The following RNPS1 variants were observed in gnomAD, a reference collection of about 807,000 sequenced individuals.
RNPS1 encodes RNA binding protein with serine rich domain 1, also known as RNA-binding protein with serine-rich domain 1.
For synonymous variants in RNPS1, 147 were observed against 150.0 expected, an observed-to-expected ratio of 0.98 and a Z score of 0.15; for missense variants, 300 against 427.6, an observed-to-expected ratio of 0.70 and a Z score of 2.63.
Position 2,253,758 on chromosome 16 carries a change from G to A in RNPS1, c.*206C>T, listed in dbSNP as rs551158670. ...GGATGAGCTTTCTAGCCAGAAAACC[G>A]GAGGGAATCTTGACAGGCACACAGC... On this transcript the variant is annotated 3_prime_UTR_variant, in exon 8 of 8. Coordinates refer to ENST00000320225, the MANE Select transcript of RNPS1 (RefSeq NM_080594.4). 8.1e-5 allele frequency: 55 copies of A among 677,628 alleles called. No individual in the cohort carries two copies. Among genetic ancestry groups the A allele is most frequent in the African/African-American group, 5.6e-4 (31 of 55,716 alleles). 42.0% of individuals were successfully genotyped at this position (677,628 alleles called of 1,614,324 possible).
At chr16:2,255,807 TG>T (rs2093575613) in intron 6 of RNPS1, 81 bp from the exon 7 acceptor site, 1 of 1,430,978 alleles carries the variant, frequency 7.0e-7, no homozygotes, top group Non-Finnish European at 9.7e-7. Context: ...AAGACAGGCC[TG>T]GGGGGACAAT....
Position 2,262,270 on chromosome 16 carries a change from T to C in RNPS1, c.676+8A>G, listed in dbSNP as rs202098575. ...GAGAGGTCAGGGTTATGTGGCAGGG[T>C]CACCCACCTCCATCCATGTGCTTCA... On this transcript the variant is annotated splice_region_variant and intron_variant, in intron 6 of 7. Transcript: ENST00000320225. The C allele has an allele frequency of 6.2e-7, 1 of 1,611,122 alleles. No homozygotes were observed. The highest frequency in any genetic ancestry group is 1.7e-5 in the Admixed American group (1 of 59,950).
At chr16:2,255,998 G>A (rs1015636310) in intron 6 of RNPS1, 27 of 409,286 alleles carry the variant, frequency 6.6e-5, no homozygotes, top group Non-Finnish European at 1.1e-4. Context: ...GGTGGCGGGC[G>A]CCTATAGTAC....
intron 7 of RNPS1, among the ~76,000 whole-genome samples, chr16:2,255,328 T>C (rs912645424): frequency 6.6e-6 from 1 of 152,174 alleles, no homozygotes; most frequent in Non-Finnish European, 1.5e-5. Flanking sequence ...ACAGGTCTAG[T>C]GGTCTCCTAG....
At chr16:2,260,858 T>A (rs2093600335) in intron 6 of RNPS1, among the ~76,000 whole-genome samples, 1 of 152,220 alleles carries the variant, frequency 6.6e-6, no homozygotes, top group Non-Finnish European at 1.5e-5. Flanking sequence ...TGGCTGGGCA[T>A]GGTGGCTCAT....
chr16:2,254,260 C>G (rs965799512), intron 7 of RNPS1, among the ~76,000 whole-genome samples, 197 bp from the exon 8 acceptor site: 2 of 152,238 alleles, frequency 1.3e-5, no homozygotes, highest in Admixed American at 6.5e-5. Context: ...CTCAGCCTCC[C>G]ATGCAACTGG....
At position 2,264,298 on chromosome 16, in the gene RNPS1, T is replaced by G; in HGVS notation, c.105A>C (p.Ser35=). 6.2e-7 allele frequency: 1 copy of G among 1,614,222 alleles called. No individual in the cohort carries two copies. The highest frequency in any genetic ancestry group is 8.5e-7 in the Non-Finnish European group (1 of 1,180,042). The change falls in exon 3 of 8, where the codon TCA becomes TCC. Residue 35 remains serine, a synonymous_variant. Coordinates refer to ENST00000320225, the MANE Select transcript of RNPS1 (RefSeq NM_080594.4). The part of the protein sequence containing the change: ...APSPTKRKDR[S]DEKSKDRSKD... ...TTGAGCGATCCTTGGACTTCTCATC[T>G]GAGCGGTCTTTGCGTTTGGTAGGTG...
chr16:2,267,735 G>A (rs1440629069), intron 1 of RNPS1: 9 of 1,283,846 alleles, frequency 7.0e-6, no homozygotes, highest in Non-Finnish European at 6.9e-6. Flanking sequence ...TGGGTCTCCG[G>A]CCCGGCGGGA....
Position 2,263,303 on chromosome 16 carries a change from G to C in RNPS1, c.228-16C>G. 1 of 1,613,590 alleles carries C rather than the reference G, an allele frequency of 6.2e-7. No homozygotes were observed. The highest frequency in any genetic ancestry group is 8.5e-7 in the Non-Finnish European group (1 of 1,179,756). On this transcript the variant is annotated splice_polypyrimidine_tract_variant and intron_variant, in intron 3 of 7. Coordinates refer to ENST00000320225, the MANE Select transcript of RNPS1 (RefSeq NM_080594.4). ...GGACCGAGACCTGAGGGCAAGATGAGGGGTCACAACCACCACACACCAAGT... is the reference window on the plus strand; with the variant it reads ...GGACCGAGACCTGAGGGCAAGATGACGGGTCACAACCACCACACACCAAGT...
At chr16:2,267,168 T>C (rs2093628369) in intron 1 of RNPS1, 1 of 984,970 alleles carries the variant, frequency 1.0e-6, no homozygotes, top group African/African-American at 1.7e-5. Flanking sequence ...TGAGGTTCTC[T>C]GTTCACCCAA....
At chr16:2,267,472 C>T (rs762696844) in intron 1 of RNPS1, 159 of 980,050 alleles carry the variant, frequency 1.6e-4, no homozygotes, top group Non-Finnish European at 1.9e-4. Context: ...CCATAGTGGG[C>T]CGTATCCCCA....
At position 2,263,157 on chromosome 16, in the gene RNPS1, A is replaced by T; in HGVS notation, c.358T>A (p.Ser120Thr). 1 of 1,613,794 alleles carries T rather than the reference A, an allele frequency of 6.2e-7. No homozygotes were observed. Among genetic ancestry groups the T allele is most frequent in the Non-Finnish European group, 8.5e-7 (1 of 1,179,892 alleles). Residue 120 changes from serine to threonine, a missense_variant, in exon 4 of 8, where the codon TCT becomes ACT. Coordinates refer to ENST00000320225, the MANE Select transcript of RNPS1 (RefSeq NM_080594.4). ...STSRSSSSSSSSGSPSPSRRR... is the reference protein window; with the variant it reads ...STSRSSSSSSTSGSPSPSRRR... The stretch of plus-strand genomic sequence containing the variant: ...CGAGAAGGACTTGGAGAGCCAGAAG[A>T]GCTGCTAGAGCTGGAGCTGCGGGAG...
At chr16:2,263,397 T>A in intron 3 of RNPS1, 110 bp from the exon 4 acceptor site, 1 of 1,068,320 alleles carries the variant, frequency 9.4e-7, no homozygotes, top group Non-Finnish European at 1.4e-6. Context: ...TTCGGGTGCC[T>A]CCAGGCCTCA....
intron 6 of RNPS1, chr16:2,256,667 G>C (rs564049902): frequency 1.3e-5 from 2 of 152,418 alleles, no homozygotes; most frequent in Non-Finnish European, 2.9e-5. Context: ...AGAGAAGGTA[G>C]CATCGAGAGC....
At position 2,264,314 on chromosome 16, in the gene RNPS1, T is replaced by A; in HGVS notation, c.89A>T (p.Lys30Ile). ...CTTCTCATCTGAGCGGTCTTTGCGT[T>A]TGGTAGGTGAAGGAGCCCTGGATGG... ...KSSTRAPSPT[K>I]RKDRSDEKSK... Residue 30 changes from lysine to isoleucine, a missense_variant, in exon 3 of 8, where the codon AAA (lysine) becomes ATA (isoleucine). Coordinates refer to ENST00000320225, the MANE Select transcript of RNPS1 (RefSeq NM_080594.4). The A allele has an allele frequency of 6.2e-7, 1 of 1,614,190 alleles. No homozygotes were observed. The highest frequency in any genetic ancestry group is 1.3e-5 in the African/African-American group (1 of 75,036).
In RNPS1 at chr16:2,268,057, C is replaced by G. The variant is rs750920126; in HGVS notation, c.-120G>C. On this transcript the variant is annotated splice_region_variant and 5_prime_UTR_variant, in exon 1 of 8. Coordinates refer to ENST00000320225, the MANE Select transcript of RNPS1 (RefSeq NM_080594.4). ...AGTCGGATTCCGCCCCAACTTACATCTTCCCGCCGCCGCCACCTCCTCCTG... is the reference window on the plus strand; with the variant it reads ...AGTCGGATTCCGCCCCAACTTACATGTTCCCGCCGCCGCCACCTCCTCCTG... The G allele has an allele frequency of 1.3e-6, 2 of 1,534,906 alleles. No homozygotes were observed. Among genetic ancestry groups the G allele is most frequent in the Admixed American group, 3.9e-5 (2 of 51,002 alleles).
At chr16:2,264,007 G>C (rs966258848) in intron 3 of RNPS1, 169 bp downstream of exon 3, 14 of 770,848 alleles carry the variant, frequency 1.8e-5, no homozygotes, top group Non-Finnish European at 2.8e-5. Flanking sequence ...TGGGATTATA[G>C]GCATGAGCCA....
Position 2,264,232 on chromosome 16 carries a change from G to A in RNPS1, c.171C>T (p.Arg57=), listed in dbSNP as rs368400536. ...GCCTCTTTCGGGTTTTGTCCCGGCCGCGATCCTTCTCACTCGACTCCTTGG... is the reference window on the plus strand; with the variant it reads ...GCCTCTTTCGGGTTTTGTCCCGGCCACGATCCTTCTCACTCGACTCCTTGG... The part of the protein sequence containing the change: ...GATKESSEKD[R]GRDKTRKRRS... Residue 57 remains arginine, a synonymous_variant, in exon 3 of 8, where the codon CGC becomes CGT. Transcript: ENST00000320225. The A allele has an allele frequency of 3.1e-5, 50 of 1,613,980 alleles. No homozygotes were observed. The Middle Eastern group carries it at 6.6e-4, about 21-fold the overall frequency.
At chr16:2,263,402 G>C (rs1567327339) in intron 3 of RNPS1, 115 bp from the exon 4 acceptor site, 9 of 989,972 alleles carry the variant, frequency 9.1e-6, no homozygotes, top group South Asian at 1.5e-5. Context: ...GTGCCTCCAG[G>C]CCTCACTGCT....
Sources: allele counts gnomAD v4.1 joint callset (sites outside exome capture counted in the v4.1 genomes callset), GRCh38; gene constraint gnomAD v4.1.1; transcripts MANE v1.5; gene names NCBI Gene and HGNC (gene_info 2026-07-23, HGNC 2026-07-21).